ABCB9: variants seen among roughly 807,000 people sequenced by gnomAD.
ABCB9 encodes the protein ATP binding cassette subfamily B member 9, also known as ABC-type oligopeptide transporter ABCB9.
ABCB9 carries 36 observed loss-of-function variants against 62.0 expected under a neutral mutation model. The observed-to-expected ratio is 0.58, with a 90% CI of 0.45 to 0.77. The LOEUF is 0.77. ABCB9 is among the 30% of genes least tolerant of loss of function. ABCB9 has a pLI of 0.00. For synonymous variants in ABCB9, 435 were observed against 461.4 expected (o/e 0.94, Z 0.73); for missense variants, 943 against 1,054.7 (o/e 0.89, Z 1.47).
Position 122,949,825 on chromosome 12 carries a change from C to T in ABCB9, c.810G>A (p.Val270=), listed in dbSNP as rs1339414728. Residue 270 remains valine (V), a synonymous_variant, in exon 4 of 12, where the codon GTG becomes GTA. Coordinates refer to ENST00000280560, the MANE Select transcript of ABCB9 (RefSeq NM_019625.4). The stretch of plus-strand genomic sequence containing the variant: ...CATCAAAGAAGCTTGTCTCCTGGGA[C>T]ACCAGTGAGCGGAAGAGACAGTTTC... ...RLRNCLFRSL[V]SQETSFFDEN... The T allele has an allele frequency of 6.2e-7, 1 of 1,614,076 alleles. No individual in the cohort carries two copies. The highest frequency in any genetic ancestry group is 1.3e-5 in the African/African-American group (1 of 74,930).
chr12:122,922,023 G>A (rs973992962), intron 11 of ABCB9, among the ~76,000 whole-genome samples: 8 of 152,140 alleles, frequency 5.3e-5, no homozygotes, highest in Non-Finnish European at 1.0e-4. Context: ...TAGGGAGGGA[G>A]GAGGTGGAGA....
intron 2 of ABCB9, among the ~76,000 whole-genome samples, chr12:122,954,382 A>G (rs1052938331): frequency 5.3e-5 from 8 of 150,974 alleles, no homozygotes; most frequent in Non-Finnish European, 1.2e-4. Context: ...CTAATTTTGT[A>G]TTTTTAGTAG....
At position 122,959,766 on chromosome 12, in the gene ABCB9, C is replaced by A; in HGVS notation, c.470G>T (p.Gly157Val). Residue 157 changes from glycine to valine, a missense_variant, in exon 2 of 12, where the codon GGC (glycine) becomes GTC (valine). Coordinates refer to ENST00000280560, the MANE Select transcript of ABCB9 (RefSeq NM_019625.4). The surrounding 1 kb of genome is among the most constrained non-coding windows in gnomAD (Gnocchi z 5.4). ...LEPGAATEAEGFPGSGRPPPE... is the reference protein window; with the variant it reads ...LEPGAATEAEVFPGSGRPPPE... ...CGGTGGCCGGCCGCTCCCAGGGAAG[C>A]CCTCAGCCTCGGTGGCCGCCCCTGG... 6.2e-7 allele frequency: 1 copy of A among 1,612,032 alleles called. No homozygotes were observed. Among genetic ancestry groups the A allele is most frequent in the Non-Finnish European group, 8.5e-7 (1 of 1,179,292 alleles).
rs1339443823 is a variant in ABCB9, at chr12:122,946,070, GTTCAGCTTGTACACCTGCTGCAGC to G, written c.1182_1205del (p.Lys394_Leu401del). 2 of 1,613,802 alleles carry G rather than the reference GTTCAGCTTGTACACCTGCTGCAGC, an allele frequency of 1.2e-6. No homozygotes were observed. Among genetic ancestry groups the G allele is most frequent in the Non-Finnish European group, 1.7e-6 (2 of 1,180,018 alleles). ...ACATGTAGGCAGCTGCCTCCTTCCT[GTTCAGCTTGTACACCTGCTGCAGC>G]TTCCGCAGGTACACCTCTGCCTCCT... On this transcript the variant is annotated inframe_deletion, in exon 6 of 12. Coordinates refer to ENST00000280560, the MANE Select transcript of ABCB9 (RefSeq NM_019625.4).
chr12:122,937,646 C>T (rs567072428), intron 9 of ABCB9, among the ~76,000 whole-genome samples: 1 of 152,304 alleles, frequency 6.6e-6, no homozygotes, highest in Admixed American at 6.5e-5. Context: ...TGGTGGCCTC[C>T]CACTTGGCAC....
intron 6 of ABCB9, among the ~76,000 whole-genome samples, chr12:122,945,562 G>GAAAGATTCCC (rs1392197336): frequency 7.9e-5 from 12 of 152,194 alleles, no homozygotes; most frequent in African/African-American, 2.9e-4. Context: ...AGGTGACTGG[G>GAAAGATTCCC]AGAGGGGCAG....
chr12:122,935,554 C>T, intron 9 of ABCB9, 123 bp from the exon 10 acceptor site: 1 of 1,149,482 alleles, frequency 8.7e-7, no homozygotes, highest in Non-Finnish European at 1.2e-6. Flanking sequence ...TGATCAGGGC[C>T]CAGTGACTGC....
rs574589348 is a variant in ABCB9, at chr12:122,932,070, G to C, written c.2040+122C>G. On this transcript the variant is annotated intron_variant, in intron 11 of 11. Coordinates refer to ENST00000280560, the MANE Select transcript of ABCB9 (RefSeq NM_019625.4). The surrounding 1 kb of genome is among the most constrained non-coding windows in gnomAD (Gnocchi z 4.7). ...CACCAGGAATTCACCAGCCCAGGAG[G>C]CTGATAGTCTGGGAGAGCTCCTGGG... is the stretch of plus-strand genomic sequence containing the variant. 210 of 1,503,164 alleles carry C rather than the reference G, an allele frequency of 1.4e-4. 1 individual carries two copies. The South Asian group carries it at 2.4e-3, about 17-fold the overall frequency. The allele number at this position is 1,503,164 out of a possible 1,614,324, so 93.1% of individuals were successfully genotyped here.
At chr12:122,937,176 G>A (rs2035497537) in intron 9 of ABCB9, among the ~76,000 whole-genome samples, 2 of 151,868 alleles carry the variant, frequency 1.3e-5, no homozygotes, top group South Asian at 4.1e-4. Context: ...TGGCCAACAT[G>A]GTGAAACCTT....
At chr12:122,975,071 G>C in exon 1 of ABCB9, 1 of 481,992 alleles carries the variant, frequency 2.1e-6, no homozygotes, top group Non-Finnish European at 3.7e-6. Context: ...GAGGCCGCCG[G>C]TCCCAACCCG....
At chr12:122,923,359 C>A (rs940369575) in intron 11 of ABCB9, among the ~76,000 whole-genome samples, 2 of 152,222 alleles carry the variant, frequency 1.3e-5, no homozygotes, top group Admixed American at 1.3e-4. Context: ...GCGACCTCCA[C>A]GCACTGCAAG....
At position 122,929,761 on chromosome 12, in the gene ABCB9, A is replaced by G; in HGVS notation, c.*150T>C. 1 of 1,409,372 alleles carries G rather than the reference A, an allele frequency of 7.1e-7. No homozygotes were observed. The highest frequency in any genetic ancestry group is 9.2e-7 in the Non-Finnish European group (1 of 1,082,498). The allele number at this position is 1,409,372 out of a possible 1,614,324, so 87.3% of individuals were successfully genotyped here. ...GGGAATGGGGCAGGGACCAGGGGCA[A>G]GATGCAGGAAGCGGTGATCCATGGG... On this transcript the variant is annotated 3_prime_UTR_variant, in exon 12 of 12. Coordinates refer to ENST00000280560, the MANE Select transcript of ABCB9 (RefSeq NM_019625.4). The surrounding 1 kb of genome is among the most constrained non-coding windows in gnomAD (Gnocchi z 6.0).
rs2035549598 is a variant in ABCB9, at chr12:122,938,048, T to G, written c.1743+2063A>C. Among the ~76,000 whole-genome samples the G allele has an allele frequency of 2.6e-5, 4 of 152,328 alleles. No individual in the cohort carries two copies. The South Asian group carries it at 8.3e-4, about 32-fold the overall frequency. On this transcript the variant is annotated intron_variant, in intron 9 of 11. Coordinates refer to ENST00000280560, the MANE Select transcript of ABCB9 (RefSeq NM_019625.4). ...GTAAATTGTAAAATGTAAATTGGTA[T>G]AACCACCTGGGGATAGCTGTTGTGA...
At chr12:122,965,353 C>T (rs2037115393) in intron 1 of ABCB9, among the ~76,000 whole-genome samples, 1 of 152,214 alleles carries the variant, frequency 6.6e-6, no homozygotes, top group Non-Finnish European at 1.5e-5. Context: ...CGGTGTGGGC[C>T]CAGACCCAGA....
rs908463437 is a variant in ABCB9 at position 122,944,913 on chromosome 12, A to C, written c.1252-394T>G. ...CAGTGAGCTCTCTGTCTCCTCCCCC[A>C]GTGGGGTTCCGTGAAGAAGGGGCTG... On this transcript the variant is annotated intron_variant, in intron 6 of 11. Coordinates refer to ENST00000280560, the MANE Select transcript of ABCB9 (RefSeq NM_019625.4). The surrounding 1 kb of genome is among the most constrained non-coding windows in gnomAD (Gnocchi z 4.9). 3.3e-5 allele frequency among the ~76,000 whole-genome samples: 5 copies of C among 152,186 alleles called. No homozygotes were observed. Among genetic ancestry groups the C allele is most frequent in the African/African-American group, 9.7e-5 (4 of 41,442 alleles).
upstream of ABCB9, chr12:122,966,650 TCCTGGGGGCGGGGCC>T (rs1173628516): frequency 1.3e-5 from 2 of 152,110 alleles, no homozygotes; most frequent in African/African-American, 4.8e-5. Flanking sequence ...GGGACGGGCC[TCCTGGGGGCGGGGCC>T]ACAGCTGGCC....
In ABCB9 at chr12:122,959,841, A is replaced by G; in HGVS notation, c.395T>C (p.Leu132Pro). The G allele has an allele frequency of 6.2e-7, 1 of 1,613,272 alleles. No individual in the cohort carries two copies. Among genetic ancestry groups the G allele is most frequent in the Non-Finnish European group, 8.5e-7 (1 of 1,179,820 alleles). The change falls in exon 2 of 12, where the codon CTG (leucine) becomes CCG (proline). Residue 132 changes from leucine (L) to proline (P), a missense_variant. Coordinates refer to ENST00000280560, the MANE Select transcript of ABCB9 (RefSeq NM_019625.4). This position sits in a 1 kb window ranked among gnomAD's most constrained non-coding sequence, Gnocchi z 5.4. Reference sequence around the variant, plus strand: ...CACGGTGGACAGCAGCCACCAGAGCAGGAAGGATGCGCCGAGTGAAATGTA... The same window carrying G: ...CACGGTGGACAGCAGCCACCAGAGCGGGAAGGATGCGCCGAGTGAAATGTA... ...WTYISLGASF[L>P]LWWLLSTVRP...
chr12:122,957,471 AG>A (rs1325514515), intron 2 of ABCB9, among the ~76,000 whole-genome samples: 1 of 152,134 alleles, frequency 6.6e-6, no homozygotes, highest in Non-Finnish European at 1.5e-5. Context: ...GGTAGGGAGC[AG>A]GACAGGGATT....
chr12:122,962,158 G>A (rs190007671), intron 1 of ABCB9, among the ~76,000 whole-genome samples: 157 of 152,258 alleles, frequency 1.0e-3, no homozygotes, highest in Non-Finnish European at 1.8e-3. Context: ...GGCATCTCCC[G>A]GCACTGGGTC....
Sources: allele counts gnomAD v4.1 joint callset (sites outside exome capture counted in the v4.1 genomes callset), GRCh38; gene constraint gnomAD v4.1.1; non-coding constraint Gnocchi (gnomAD v3.1); transcripts MANE v1.5; gene names NCBI Gene and HGNC (gene_info 2026-07-23, HGNC 2026-07-21).